CCDC102B: variants seen among roughly 807,000 people sequenced by gnomAD.
CCDC102B encodes coiled-coil domain containing 102B.
A neutral mutation model predicts 57.4 loss-of-function variants in CCDC102B; 75 were observed. The ratio of observed to expected loss-of-function variants is 1.31; its 90% CI spans 1.08 to 1.58. CCDC102B has a LOEUF of 1.58. Among genes scored for constraint, CCDC102B ranks in the 40% most tolerant of loss-of-function variants. The pLI, the probability that CCDC102B is intolerant of heterozygous loss-of-function variation, is 0.00. For synonymous variants in CCDC102B, 206 were observed against 201.9 expected (o/e 1.02, Z -0.17); for missense variants, 636 against 582.6 (o/e 1.09, Z -0.94).
intron 6 of CCDC102B, among the ~76,000 whole-genome samples, chr18:68,909,656 T>C (rs951861123): frequency 6.6e-6 from 1 of 152,152 alleles, no homozygotes; most frequent in Non-Finnish European, 1.5e-5. Context: ...AGAAGGATAG[T>C]TTTTTGAGAT....
chr18:68,838,629 T>C, intron 2 of CCDC102B, 77 bp from the exon 3 acceptor site: 2 of 1,540,940 alleles, frequency 1.3e-6, no homozygotes, highest in Non-Finnish European at 1.7e-6. Flanking sequence ...GTAACATTTA[T>C]TTCTTTATGA....
intron 6 of CCDC102B, among the ~76,000 whole-genome samples, chr18:68,945,122 C>CCACACA (rs34611934): frequency 0.027 from 3,821 of 144,006 alleles, 66 homozygotes; most frequent in East Asian, 0.049. Context: ...CTCTCTCTCT[C>CCACACA]CACACACACA....
intron 6 of CCDC102B, among the ~76,000 whole-genome samples, chr18:68,988,228 A>G (rs1010483311): frequency 2.6e-5 from 4 of 152,144 alleles, no homozygotes; most frequent in Non-Finnish European, 5.9e-5. Context: ...GGGAAAAAAA[A>G]ACATGTTTTT....
intron 3 of CCDC102B, among the ~76,000 whole-genome samples, chr18:68,843,744 T>G (rs975784743): frequency 6.6e-6 from 1 of 152,076 alleles, no homozygotes; most frequent in African/African-American, 2.4e-5. Context: ...TTAGGTGTTT[T>G]CCTTTGCCTT....
At chr18:68,879,091 T>C (rs1402643448) in intron 5 of CCDC102B, among the ~76,000 whole-genome samples, 3 of 151,568 alleles carry the variant, frequency 2.0e-5, no homozygotes, top group East Asian at 2.0e-4. Flanking sequence ...TAAGGCAGCA[T>C]GTCTGGAGTT....
At position 68,838,713 on chromosome 18, in the gene CCDC102B, G is replaced by T. The variant is rs1205834227; in HGVS notation, c.614G>T (p.Gly205Val). The change falls in exon 3 of 8, where the codon GGT becomes GTT. Residue 205 changes from glycine to valine, a missense_variant. Transcript: ENST00000360242. ...GTTTTGTTTTGTCTTCAGGAACAAG[G>T]TGTGGTTATTGATTCTCTAAAATTA... ...TKEDTNNKEQ[G>V]VVIDSLKLSE... The T allele has an allele frequency of 6.2e-7, 1 of 1,613,620 alleles. No homozygotes were observed. Among genetic ancestry groups the T allele is most frequent in the East Asian group, 2.2e-5 (1 of 44,806 alleles).
chr18:68,850,112 C>T lies in CCDC102B; in HGVS notation c.936+3691C>T, dbSNP rs1233115728. Among the ~76,000 whole-genome samples, 3 of 151,908 alleles carry T rather than the reference C, an allele frequency of 2.0e-5. No individual in the cohort carries two copies. In the East Asian group the frequency reaches 5.8e-4, roughly 29 times the overall value. ...AGCAATGCATTTAAGCTGTATAACCCAAAAGAAAAAGAAAATTGATTTGGC... is the reference window on the plus strand; with the variant it reads ...AGCAATGCATTTAAGCTGTATAACCTAAAAGAAAAAGAAAATTGATTTGGC... On this transcript the variant is annotated intron_variant, in intron 4 of 7. Transcript: ENST00000360242.
chr18:68,907,254 T>C (rs1374745128), intron 6 of CCDC102B, among the ~76,000 whole-genome samples: 1 of 152,198 alleles, frequency 6.6e-6, no homozygotes, highest in Admixed American at 6.5e-5. Flanking sequence ...TCAACTTTGC[T>C]CTTTTTCAAT....
chr18:69,054,792 A>AG lies in CCDC102B; in HGVS notation c.*655_*656insG. The AG allele has an allele frequency of 2.0e-6, 2 of 985,360 alleles. No homozygotes were observed. The highest frequency in any genetic ancestry group is 2.4e-6 in the Non-Finnish European group (2 of 829,910). 61.0% of individuals were successfully genotyped at this position (985,360 alleles called of 1,614,324 possible). ...GAAACTAAAAGGACTTTTGACTTTT[A>AG]TCTGGATAGACATTTCTACAGTAAA... On this transcript the variant is annotated 3_prime_UTR_variant, in exon 8 of 8. Coordinates refer to ENST00000360242, the MANE Select transcript of CCDC102B (RefSeq NM_024781.3).
At chr18:68,850,832 C>T (rs1041973788) in intron 4 of CCDC102B, among the ~76,000 whole-genome samples, 3 of 152,002 alleles carry the variant, frequency 2.0e-5, no homozygotes, top group East Asian at 1.9e-4. Flanking sequence ...ATATCATACA[C>T]CTCAGACCTC....
At chr18:68,945,430 T>C (rs72963096) in intron 6 of CCDC102B, among the ~76,000 whole-genome samples, 2,034 of 152,164 alleles carry the variant, frequency 0.013, 24 homozygotes, top group Middle Eastern at 0.041. Context: ...AGCTCAAAAA[T>C]TTAAAAATAT....
chr18:68,960,710 C>T (rs2050024464), intron 6 of CCDC102B, among the ~76,000 whole-genome samples: 1 of 152,210 alleles, frequency 6.6e-6, no homozygotes, highest in Admixed American at 6.5e-5. Context: ...ACAAACGCCT[C>T]TGCCTTGGGC....
At chr18:68,792,722 A>G (rs565127266) in intron 2 of CCDC102B, among the ~76,000 whole-genome samples, 2 of 152,316 alleles carry the variant, frequency 1.3e-5, no homozygotes, top group East Asian at 3.9e-4. Flanking sequence ...CCAATGCTTG[A>G]ACTCAGGCCT....
At chr18:68,972,013 C>A (rs2050313979) in intron 6 of CCDC102B, among the ~76,000 whole-genome samples, 1 of 152,030 alleles carries the variant, frequency 6.6e-6, no homozygotes, top group African/African-American at 2.4e-5. Flanking sequence ...AGTATCTCAG[C>A]CAAGGCAAGA....
intron 1 of CCDC102B, among the ~76,000 whole-genome samples, chr18:68,812,103 G>A (rs1476516625): frequency 1.3e-5 from 2 of 151,962 alleles, no homozygotes. Context: ...CTTGTTAAAC[G>A]TTCTATTGTT....
At chr18:68,741,000 A>C (rs1047171866) in intron 2 of CCDC102B, among the ~76,000 whole-genome samples, 2 of 152,172 alleles carry the variant, frequency 1.3e-5, no homozygotes, top group Non-Finnish European at 2.9e-5. Context: ...TTGAGAAATA[A>C]AATCAAAGAG....
chr18:68,902,477 A>G (rs2040488995), intron 6 of CCDC102B, among the ~76,000 whole-genome samples: 1 of 152,184 alleles, frequency 6.6e-6, no homozygotes, highest in Non-Finnish European at 1.5e-5. Flanking sequence ...TTGAGCTATC[A>G]TCTTCATCTA....
chr18:68,812,191 G>A lies in CCDC102B; in HGVS notation c.-16+14010G>A, dbSNP rs73458024. 2.4e-3 allele frequency among the ~76,000 whole-genome samples: 368 copies of A among 151,724 alleles called. 2 individuals carry two copies. Among genetic ancestry groups the A allele is most frequent in the African/African-American group, 8.5e-3 (352 of 41,428 alleles). On this transcript the variant is annotated intron_variant, in intron 1 of 7. Coordinates refer to ENST00000360242, the MANE Select transcript of CCDC102B (RefSeq NM_024781.3). The stretch of plus-strand genomic sequence containing the variant: ...AAAGCAGATTTTCATATTTCCCTTA[G>A]GAGGATTAACCATTTCAACAGGAAA...
At chr18:68,757,828 C>T (rs2034105521) in intron 2 of CCDC102B, among the ~76,000 whole-genome samples, 1 of 152,142 alleles carries the variant, frequency 6.6e-6, no homozygotes, top group Admixed American at 6.6e-5. Context: ...CTTTACCTTA[C>T]CTCTGTCCCC....
Sources: gnomAD v4.1 joint callset for allele counts (sites outside exome capture counted in the v4.1 genomes callset) on GRCh38, gnomAD v4.1.1 for gene constraint, MANE v1.5 for transcripts, NCBI Gene and HGNC (gene_info 2026-07-23, HGNC 2026-07-21) for gene names.